SCGN: variants seen among roughly 807,000 people sequenced by gnomAD.
SCGN encodes secretagogin, EF-hand calcium binding protein, also known as secretagogin.
SCGN carries 30 observed loss-of-function variants against 39.7 expected under a neutral mutation model. The ratio of observed to expected loss-of-function variants is 0.76; its 90% CI spans 0.57 to 1.03. The LOEUF is 1.03. Ranked by LOEUF, SCGN falls within the 50% of genes least tolerant of loss-of-function variation. The pLI, the probability that SCGN is intolerant of heterozygous loss-of-function variation, is 0.00. For synonymous variants in SCGN, 106 were observed against 114.1 expected, an observed-to-expected ratio of 0.93 and a Z score of 0.45; for missense variants, 353 against 349.4, an observed-to-expected ratio of 1.01 and a Z score of -0.08.
At chr6:25,654,079 A>G (rs1760183046) in intron 2 of SCGN, among the ~76,000 whole-genome samples, 1 of 152,226 alleles carries the variant, frequency 6.6e-6, no homozygotes. Context: ...GAAAAATTTT[A>G]CACAGAAACA....
intron 8 of SCGN, 83 bp from the exon 9 acceptor site, chr6:25,689,390 C>T (rs938569582): frequency 2.2e-6 from 3 of 1,361,996 alleles, no homozygotes; most frequent in African/African-American, 2.9e-5. Context: ...TCAAAGTTTA[C>T]AAAATTTGCC....
At chr6:25,655,784 C>T (rs1310236552) in intron 2 of SCGN, among the ~76,000 whole-genome samples, 1 of 151,884 alleles carries the variant, frequency 6.6e-6, no homozygotes, top group African/African-American at 2.4e-5. Context: ...GTTTTTTTAC[C>T]CTTTTTTCCT....
At chr6:25,699,146 C>T (rs934972369) in intron 10 of SCGN, among the ~76,000 whole-genome samples, 2 of 152,170 alleles carry the variant, frequency 1.3e-5, no homozygotes, top group East Asian at 3.8e-4. Flanking sequence ...TCTATTCACT[C>T]ATAAAACTAC....
Position 25,665,337 on chromosome 6 carries a change from GA to G in SCGN, c.336+308del. 3.9e-5 allele frequency among the ~76,000 whole-genome samples: 6 copies of G among 152,276 alleles called. No individual in the cohort carries two copies. The East Asian group carries it at 1.2e-3, about 29-fold the overall frequency. ...GAGGGAGGGGAGGTGGGGGACTATGGAAATTGGAGAGCATGTGCCCCATCTG... is the reference window on the plus strand; with the variant it reads ...GAGGGAGGGGAGGTGGGGGACTATGGAATTGGAGAGCATGTGCCCCATCTG... On this transcript the variant is annotated intron_variant, in intron 4 of 10. Coordinates refer to ENST00000377961, the MANE Select transcript of SCGN (RefSeq NM_006998.4).
chr6:25,698,281 C>A (rs1307447299), intron 10 of SCGN, among the ~76,000 whole-genome samples: 1 of 152,060 alleles, frequency 6.6e-6, no homozygotes, highest in East Asian at 1.9e-4. Flanking sequence ...CATTCATACA[C>A]CAAAAATATT....
chr6:25,658,566 C>G (rs1410673952), intron 2 of SCGN, among the ~76,000 whole-genome samples: 1 of 152,150 alleles, frequency 6.6e-6, no homozygotes, highest in African/African-American at 2.4e-5. Context: ...ACAAATGCTA[C>G]TGGTTTGGGT....
rs189568543 is a variant in SCGN at position 25,680,366 on chromosome 6, A to T, written c.472-1585A>T. 5.3e-5 allele frequency among the ~76,000 whole-genome samples: 8 copies of T among 152,342 alleles called. No homozygotes were observed. The East Asian group carries it at 1.5e-3, about 29-fold the overall frequency. On this transcript the variant is annotated intron_variant, in intron 6 of 10. Coordinates refer to ENST00000377961, the MANE Select transcript of SCGN (RefSeq NM_006998.4). ...GCAGACACAGCCGAATATGTGTGCCATTCATCCCTGCTGGTATACACTCAG... is the reference window on the plus strand; with the variant it reads ...GCAGACACAGCCGAATATGTGTGCCTTTCATCCCTGCTGGTATACACTCAG...
At position 25,652,347 on chromosome 6, in the gene SCGN, C is replaced by CT; in HGVS notation, c.-55dup. The CT allele has an allele frequency of 1.5e-6, 2 of 1,374,558 alleles. No individual in the cohort carries two copies. Among genetic ancestry groups the CT allele is most frequent in the Non-Finnish European group, 2.1e-6 (2 of 963,132 alleles). 85.1% of individuals were successfully genotyped at this position (1,374,558 alleles called of 1,614,324 possible). On this transcript the variant is annotated 5_prime_UTR_variant, in exon 1 of 11. Coordinates refer to ENST00000377961, the MANE Select transcript of SCGN (RefSeq NM_006998.4). ...AGTCAAGAAATACGGTGAAGGAGTC[C>CT]TTCCCAAAGTTGTCTAGGTCCTTCC...
At chr6:25,655,013 C>A (rs578119111) in intron 2 of SCGN, among the ~76,000 whole-genome samples, 1 of 152,350 alleles carries the variant, frequency 6.6e-6, no homozygotes, top group African/African-American at 2.4e-5. Context: ...GCCACTTTCA[C>A]GTGCTAGCAG....
In SCGN at chr6:25,659,071, T is replaced by C. The variant is rs1309008767; in HGVS notation, c.154-2481T>C. On this transcript the variant is annotated intron_variant, in intron 2 of 10. Coordinates refer to ENST00000377961, the MANE Select transcript of SCGN (RefSeq NM_006998.4). ...CTATGCACCCACCTCCTGCAATGAGTTGGTACGATGGATGACAATTATCAG... is the reference window on the plus strand; with the variant it reads ...CTATGCACCCACCTCCTGCAATGAGCTGGTACGATGGATGACAATTATCAG... 3.3e-5 allele frequency among the ~76,000 whole-genome samples: 5 copies of C among 152,118 alleles called. No individual in the cohort carries two copies. In the East Asian group the frequency reaches 9.6e-4, roughly 29 times the overall value.
At chr6:25,686,733 T>A (rs554559732) in intron 7 of SCGN, among the ~76,000 whole-genome samples, 38 of 152,308 alleles carry the variant, frequency 2.5e-4, no homozygotes, top group African/African-American at 7.7e-4. Flanking sequence ...TTTTTGGTTG[T>A]TTGTGTTTTA....
At chr6:25,652,734 G>A (rs1275294239) in intron 1 of SCGN, among the ~76,000 whole-genome samples, 2 of 152,014 alleles carry the variant, frequency 1.3e-5, no homozygotes, top group Admixed American at 6.6e-5. Context: ...GTGCGAGCGC[G>A]CCATATATAT....
chr6:25,672,093 C>T (rs1759504657), intron 6 of SCGN, among the ~76,000 whole-genome samples: 1 of 152,174 alleles, frequency 6.6e-6, no homozygotes, highest in Non-Finnish European at 1.5e-5. Flanking sequence ...CTTCGATATT[C>T]AGTTAGATAT....
intron 10 of SCGN, among the ~76,000 whole-genome samples, chr6:25,696,323 T>A (rs531450268): frequency 6.6e-6 from 1 of 152,254 alleles, no homozygotes; most frequent in East Asian, 1.9e-4. Flanking sequence ...CTCCTATGTA[T>A]GTTTTTATAT....
intron 10 of SCGN, among the ~76,000 whole-genome samples, chr6:25,697,867 G>A (rs1396454576): frequency 6.6e-6 from 1 of 152,216 alleles, no homozygotes; most frequent in Non-Finnish European, 1.5e-5. Flanking sequence ...TTTGGGACCT[G>A]ACTGCCTGGA....
Position 25,652,436 on chromosome 6 carries a change from C to T in SCGN, c.33C>T (p.Arg11=), listed in dbSNP as rs372806386. 3.7e-6 allele frequency: 6 copies of T among 1,614,150 alleles called. No individual in the cohort carries two copies. The highest frequency in any genetic ancestry group is 1.7e-5 in the Admixed American group (1 of 60,034). Reference sequence around the variant, plus strand: ...GCTCCCGGGAACCGACTCTGGGGCGCTTGGACGCCGCTGGCTTCTGGCAGG... The same window carrying T: ...GCTCCCGGGAACCGACTCTGGGGCGTTTGGACGCCGCTGGCTTCTGGCAGG... MDSSREPTLG[R]LDAAGFWQVW... The change falls in exon 1 of 11, where the codon CGC becomes CGT. Residue 11 remains arginine, a synonymous_variant. Coordinates refer to ENST00000377961, the MANE Select transcript of SCGN (RefSeq NM_006998.4).
At chr6:25,695,030 C>T (rs1759821182) in intron 10 of SCGN, among the ~76,000 whole-genome samples, 1 of 152,178 alleles carries the variant, frequency 6.6e-6, no homozygotes, top group South Asian at 2.1e-4. Flanking sequence ...GCAGTAATAA[C>T]TCTGAAGTAA....
chr6:25,658,003 C>T (rs80310764), intron 2 of SCGN, among the ~76,000 whole-genome samples: 31,270 of 70,334 alleles, frequency 0.44, 5,229 homozygotes, highest in Non-Finnish European at 0.47. Context: ...GAAAGGTATC[C>T]TTTTTTTTTT....
At chr6:25,667,803 A>G (rs75639901) in intron 4 of SCGN, among the ~76,000 whole-genome samples, 7,356 of 152,314 alleles carry the variant, frequency 0.048, 229 homozygotes, top group South Asian at 0.098. Context: ...GAATAGTCAC[A>G]TAAAAATCTT....
Sources: gnomAD v4.1 joint callset for allele counts (sites outside exome capture counted in the v4.1 genomes callset) on GRCh38, gnomAD v4.1.1 for gene constraint, MANE v1.5 for transcripts, NCBI Gene and HGNC (gene_info 2026-07-23, HGNC 2026-07-21) for gene names.